HGF: variants seen among roughly 807,000 people sequenced by gnomAD.
HGF encodes fibroblast-derived tumor cytotoxic factor.
HGF carries 39 observed loss-of-function variants against 111.6 expected under a neutral mutation model. The observed-to-expected ratio is 0.35, with a 90% confidence interval of 0.27 to 0.46. HGF has a LOEUF of 0.46. Among genes scored for constraint, HGF ranks in the 20% least tolerant of loss-of-function variants. The pLI is 1.00. For synonymous variants in HGF, 285 were observed against 294.8 expected (o/e 0.97, Z 0.34); for missense variants, 735 against 910.5 (o/e 0.81, Z 2.48).
intron 10 of HGF, among the ~76,000 whole-genome samples, chr7:81,719,267 C>T (rs375564829): frequency 3.7e-4 from 57 of 152,330 alleles, no homozygotes; most frequent in Middle Eastern, 3.4e-3. Flanking sequence ...TGACCACTTA[C>T]GTCTGAGTAG....
intron 7 of HGF, among the ~76,000 whole-genome samples, chr7:81,741,611 G>GTGTGTA (rs1420778583): frequency 6.7e-6 from 1 of 149,820 alleles, no homozygotes; most frequent in East Asian, 1.9e-4. Flanking sequence ...GTGTGTGTGT[G>GTGTGTA]TGTATAGGTT....
At chr7:81,758,852 G>C (rs1440911096) in intron 2 of HGF, 48 bp from the exon 3 acceptor site, 2 of 1,238,108 alleles carry the variant, frequency 1.6e-6, no homozygotes, top group African/African-American at 3.0e-5. Context: ...TATTTATACA[G>C]TATTTAAAGA....
intron 4 of HGF, 169 bp downstream of exon 4, chr7:81,757,020 A>G: frequency 1.6e-6 from 1 of 623,200 alleles, no homozygotes; most frequent in South Asian, 1.9e-5. Flanking sequence ...ATATTAATTA[A>G]TCATTTGCTA....
chr7:81,738,389 T>A (rs1787903273), intron 7 of HGF, among the ~76,000 whole-genome samples: 1 of 152,154 alleles, frequency 6.6e-6, no homozygotes, highest in Non-Finnish European at 1.5e-5. Context: ...GGACTTCCAA[T>A]TTTATTACAT....
chr7:81,764,583 C>T (rs1036424507), intron 1 of HGF, among the ~76,000 whole-genome samples: 1 of 151,996 alleles, frequency 6.6e-6, no homozygotes, highest in Non-Finnish European at 1.5e-5. Flanking sequence ...ATGTTAACAT[C>T]CCAATTTCTC....
intron 15 of HGF, among the ~76,000 whole-genome samples, 172 bp downstream of exon 15, chr7:81,706,115 C>T (rs952789397): frequency 4.0e-5 from 6 of 151,874 alleles, no homozygotes; most frequent in Non-Finnish European, 5.9e-5. Flanking sequence ...ATACCTTTCT[C>T]TCTATACTCA....
At chr7:81,725,837 A>G in intron 9 of HGF, 53 bp downstream of exon 9, 2 of 1,593,368 alleles carry the variant, frequency 1.3e-6, no homozygotes, top group South Asian at 2.2e-5. Flanking sequence ...TCCTCCCTTT[A>G]GGCATTTCCC....
chr7:81,738,473 T>C (rs1224784705), intron 7 of HGF, among the ~76,000 whole-genome samples: 2 of 152,134 alleles, frequency 1.3e-5, no homozygotes, highest in South Asian at 2.1e-4. Flanking sequence ...TGTGGGCTGA[T>C]GACATTTAGG....
chr7:81,731,546 A>C (rs1373233885), intron 7 of HGF, among the ~76,000 whole-genome samples: 1 of 152,192 alleles, frequency 6.6e-6, no homozygotes, highest in Non-Finnish European at 1.5e-5. Flanking sequence ...GTCTTTTATA[A>C]TTTCAATACT....
At chr7:81,714,484 T>C (rs1197289009) in intron 11 of HGF, among the ~76,000 whole-genome samples, 1 of 152,036 alleles carries the variant, frequency 6.6e-6, no homozygotes, top group Non-Finnish European at 1.5e-5. Flanking sequence ...CCTAAGTGGG[T>C]TTGGTAACTT....
At chr7:81,743,876 T>C (rs373678757) in intron 6 of HGF, among the ~76,000 whole-genome samples, 1 of 152,304 alleles carries the variant, frequency 6.6e-6, no homozygotes, top group African/African-American at 2.4e-5. Context: ...CTGTTACTAA[T>C]GATAACTCAG....
In HGF at chr7:81,721,080, CTT is replaced by C. The variant is rs528023161; in HGVS notation, c.1169-235_1169-234del. On this transcript the variant is annotated intron_variant, in intron 9 of 17. Transcript: ENST00000222390. ...CTAACACGGTGAAACCCTGTCTCTA[CTT>C]TAAAAATACAAAAAATTAGCCAGGC... is the stretch of plus-strand genomic sequence containing the variant. 5.5e-3 allele frequency among the ~76,000 whole-genome samples: 840 copies of C among 152,110 alleles called. 8 individuals are homozygous for C. The highest frequency in any genetic ancestry group is 0.044 in the South Asian group (213 of 4,818).
chr7:81,716,617 C>A (rs1032439482), intron 11 of HGF, among the ~76,000 whole-genome samples: 18 of 152,050 alleles, frequency 1.2e-4, no homozygotes, highest in African/African-American at 3.9e-4. Context: ...TATCTAGGGA[C>A]TTTTTAATAT....
chr7:81,702,310 T>C lies in HGF; in HGVS notation c.*271A>G, dbSNP rs1162528986. 8.1e-6 allele frequency: 3 copies of C among 372,482 alleles called. No individual in the cohort carries two copies. The highest frequency in any genetic ancestry group is 8.5e-5 in the Admixed American group (2 of 23,500). The allele number at this position is 372,482 out of a possible 1,614,324, so 23.1% of individuals were successfully genotyped here. ...TGAAATCTTTATCATCCAGCAAATA[T>C]ACCTGTGTGTTTTTTTAATCCATTC... On this transcript the variant is annotated 3_prime_UTR_variant, in exon 18 of 18. Coordinates refer to ENST00000222390, the MANE Select transcript of HGF (RefSeq NM_000601.6).
chr7:81,728,677 T>C (rs1010882299), intron 8 of HGF, among the ~76,000 whole-genome samples: 1 of 152,188 alleles, frequency 6.6e-6, no homozygotes, highest in African/African-American at 2.4e-5. Flanking sequence ...ACAAATAAAT[T>C]ACAGAACTAG....
intron 6 of HGF, among the ~76,000 whole-genome samples, chr7:81,744,363 G>T (rs551364029): frequency 6.6e-6 from 1 of 151,072 alleles, no homozygotes; most frequent in African/African-American, 2.4e-5. Flanking sequence ...TATTCCTGGG[G>T]ATAAAAGATA....
intron 1 of HGF, among the ~76,000 whole-genome samples, chr7:81,769,167 C>T (rs776211829): frequency 1.3e-5 from 2 of 152,048 alleles, no homozygotes; most frequent in Admixed American, 6.6e-5. Flanking sequence ...AACGAGATCT[C>T]TAAATCTCCA....
rs1413289161 is a variant in HGF, at chr7:81,745,125, T to C, written c.626-5A>G. On this transcript the variant is annotated splice_region_variant and splice_polypyrimidine_tract_variant and intron_variant, in intron 5 of 17. Transcript: ENST00000222390. Reference sequence around the variant, plus strand: ...CATTGCAGGTCATGCATTCAACTAATAAAATTAAAGTATGGCATGTTAATT... The same window carrying C: ...CATTGCAGGTCATGCATTCAACTAACAAAATTAAAGTATGGCATGTTAATT... The C allele has an allele frequency of 6.2e-7, 1 of 1,613,752 alleles. No individual in the cohort carries two copies. The highest frequency in any genetic ancestry group is 1.7e-5 in the Admixed American group (1 of 60,030).
At chr7:81,756,392 TG>T (rs1788770817) in intron 4 of HGF, 1 of 239,696 alleles carries the variant, frequency 4.2e-6, no homozygotes, top group Admixed American at 5.3e-5. Context: ...TAAACTACTT[TG>T]GTTTCTGATA....
Sources: allele counts gnomAD v4.1 joint callset (sites outside exome capture counted in the v4.1 genomes callset), GRCh38; gene constraint gnomAD v4.1.1; transcripts MANE v1.5; gene names NCBI Gene and HGNC (gene_info 2026-07-23, HGNC 2026-07-21).